MEGF10: variants seen among roughly 807,000 people sequenced by gnomAD.
MEGF10 encodes multiple epidermal growth factor-like domains protein 10.
MEGF10 carries 86 observed loss-of-function variants against 147.5 expected under a neutral mutation model. That is an observed-to-expected ratio of 0.58 (90% confidence interval 0.49 to 0.70). MEGF10 has a LOEUF of 0.70. Ranked by LOEUF, MEGF10 falls within the 30% of genes least tolerant of loss-of-function variation. MEGF10 has a pLI of 0.00. For synonymous variants in MEGF10, 478 were observed against 525.5 expected, an observed-to-expected ratio of 0.91 and a Z score of 1.24; for missense variants, 1,329 against 1,487.3, an observed-to-expected ratio of 0.89 and a Z score of 1.75.
chr5:127,318,087 A>C (rs1162892768), intron 1 of MEGF10, among the ~76,000 whole-genome samples: 1 of 152,166 alleles, frequency 6.6e-6, no homozygotes, highest in African/African-American at 2.4e-5. Flanking sequence ...ATCAGTAAAT[A>C]TGATTAGTGC....
At chr5:127,237,991 T>G in the MEGF10 span, among the ~76,000 whole-genome samples, 1 of 151,220 alleles carries the variant, frequency 6.6e-6, no homozygotes, top group Non-Finnish European at 1.5e-5. Flanking sequence ...TGTTGACATT[T>G]TACCATATTA....
chr5:127,245,969 G>C, the MEGF10 span, among the ~76,000 whole-genome samples: 1 of 152,226 alleles, frequency 6.6e-6, no homozygotes, highest in African/African-American at 2.4e-5. Flanking sequence ...ATGCTGGAGA[G>C]GATGTGGAGT....
intron 1 of MEGF10, among the ~76,000 whole-genome samples, chr5:127,310,013 T>TTCCTTC (rs1561562131): frequency 2.7e-5 from 1 of 37,138 alleles, no homozygotes. Context: ...TTCCTTCCTT[T>TTCCTTC]CTTTTTTTCT....
Position 127,445,539 on chromosome 5 carries a change from C to T in MEGF10, c.2574C>T (p.Ala858=), listed in dbSNP as rs1765911422. The T allele has an allele frequency of 6.2e-7, 1 of 1,614,066 alleles. No homozygotes were observed. Among genetic ancestry groups the T allele is most frequent in the Non-Finnish European group, 8.5e-7 (1 of 1,180,000 alleles). ...CTGCTGATTCCTACCAGATCGGGGC[C>T]ATTGCAGGCATCATCATTCTTGTCC... The part of the protein sequence containing the change: ...ALPADSYQIG[A]IAGIIILVLV... Residue 858 remains alanine, a synonymous_variant, in exon 20 of 25, where the codon GCC becomes GCT. Transcript: ENST00000503335.
In MEGF10 at chr5:127,397,708, T is replaced by C. The variant is rs114461925; in HGVS notation, c.659+930T>C. 5.4e-3 allele frequency among the ~76,000 whole-genome samples: 829 copies of C among 152,314 alleles called. 6 individuals carry two copies. Among genetic ancestry groups the C allele is most frequent in the African/African-American group, 0.019 (799 of 41,566 alleles). The stretch of plus-strand genomic sequence containing the variant: ...ATGATTATCTCAAACTGTTTAATTG[T>C]TAATATTGCTTTTATGGGTTTTCAT... On this transcript the variant is annotated intron_variant, in intron 6 of 24. Coordinates refer to ENST00000503335, the MANE Select transcript of MEGF10 (RefSeq NM_001256545.2).
intron 1 of MEGF10, among the ~76,000 whole-genome samples, chr5:127,313,348 C>T (rs781670293): frequency 1.3e-5 from 2 of 152,054 alleles, no homozygotes; most frequent in Non-Finnish European, 2.9e-5. Context: ...TTTCAGGGTA[C>T]CTCCAAGAGA....
the MEGF10 span, among the ~76,000 whole-genome samples, chr5:127,271,109 C>T: frequency 3.3e-5 from 5 of 152,178 alleles, no homozygotes; most frequent in Non-Finnish European, 5.9e-5. Flanking sequence ...AATGGTATTT[C>T]TGCCTGTAGG....
At chr5:127,293,478 C>T (rs12519784) in intron 1 of MEGF10, among the ~76,000 whole-genome samples, 68,854 of 151,978 alleles carry the variant, frequency 0.45, 15,824 homozygotes, top group Middle Eastern at 0.58. Context: ...TCAAACTATA[C>T]AAACCCTAAT....
the MEGF10 span, among the ~76,000 whole-genome samples, chr5:127,239,376 G>GACACACACAC: frequency 6.6e-4 from 82 of 123,474 alleles, no homozygotes; most frequent in African/African-American, 2.4e-3. Flanking sequence ...GATGATGGAA[G>GACACACACAC]ACACACACAC....
At chr5:127,361,735 C>T (rs1402525560) in intron 4 of MEGF10, among the ~76,000 whole-genome samples, 1 of 152,016 alleles carries the variant, frequency 6.6e-6, no homozygotes, top group Admixed American at 6.6e-5. Context: ...TTTTCATTTA[C>T]TTTAAAATAC....
At chr5:127,315,936 C>T (rs868341432) in intron 1 of MEGF10, among the ~76,000 whole-genome samples, 2 of 152,086 alleles carry the variant, frequency 1.3e-5, no homozygotes, top group Non-Finnish European at 2.9e-5. Context: ...TGCTGTAGAC[C>T]GTAGCAATCT....
chr5:127,307,118 C>G (rs1760050438), intron 1 of MEGF10, among the ~76,000 whole-genome samples: 1 of 152,140 alleles, frequency 6.6e-6, no homozygotes, highest in African/African-American at 2.4e-5. Context: ...CGCTTCTCCC[C>G]TAGAGTTCTG....
the MEGF10 span, among the ~76,000 whole-genome samples, chr5:127,280,068 C>T: frequency 1.3e-5 from 2 of 151,988 alleles, no homozygotes; most frequent in Non-Finnish European, 2.9e-5. Context: ...AAAATAATAT[C>T]CACTGTTTTC....
chr5:127,449,160 T>A lies in MEGF10; in HGVS notation c.2918T>A (p.Val973Glu). The change falls in exon 22 of 25, where the codon GTG (valine) becomes GAG (glutamate). Residue 973 changes from valine to glutamate, a missense_variant. Coordinates refer to ENST00000503335, the MANE Select transcript of MEGF10 (RefSeq NM_001256545.2). ...GTGAACCCTGGGAAGAGAGGCCCTG[T>A]GGGGGACTGCACTGGGACATTGCCG... is the stretch of plus-strand genomic sequence containing the variant. ...KNVNPGKRGP[V>E]GDCTGTLPAD... 1 of 1,614,128 alleles carries A rather than the reference T, an allele frequency of 6.2e-7. No homozygotes were observed. The highest frequency in any genetic ancestry group is 8.5e-7 in the Non-Finnish European group (1 of 1,179,990).
At chr5:127,280,081 T>C in the MEGF10 span, among the ~76,000 whole-genome samples, 2 of 152,220 alleles carry the variant, frequency 1.3e-5, no homozygotes, top group Non-Finnish European at 1.5e-5. Context: ...CTGTTTTCTT[T>C]CAAAAATACT....
Position 127,331,331 on chromosome 5 carries a change from G to A in MEGF10, c.23G>A (p.Cys8Tyr). 2.2e-5 allele frequency: 35 copies of A among 1,612,206 alleles called. No individual in the cohort carries two copies. Among genetic ancestry groups the A allele is most frequent in the Non-Finnish European group, 2.9e-5 (34 of 1,178,540 alleles). ...AAAATGGTTATTTCTTTGAACTCAT[G>A]CCTGAGCTTTATTTGTTTATTGTTA... MVISLNS[C>Y]LSFICLLLCH... is the part of the protein sequence containing the mutation. The change falls in exon 2 of 25, where the codon TGC becomes TAC. Residue 8 changes from cysteine (C) to tyrosine (Y), a missense_variant. Physicochemically the swap from Cys to Tyr is radical, Grantham distance 194. Transcript: ENST00000503335.
chr5:127,358,620 C>T lies in MEGF10; in HGVS notation c.320-11290C>T, dbSNP rs184122524. On this transcript the variant is annotated intron_variant, in intron 4 of 24. Coordinates refer to ENST00000503335, the MANE Select transcript of MEGF10 (RefSeq NM_001256545.2). ...GTCATGCTTTCCTTATAGACACAGA[C>T]ATGGCAGGACCAGCTGGTAAATAAT... 3.5e-3 allele frequency among the ~76,000 whole-genome samples: 535 copies of T among 152,316 alleles called. 4 individuals carry two copies. Among genetic ancestry groups the T allele is most frequent in the Non-Finnish European group, 4.6e-3 (311 of 68,014 alleles).
chr5:127,360,560 A>G (rs749331202), intron 4 of MEGF10, among the ~76,000 whole-genome samples: 6 of 151,906 alleles, frequency 3.9e-5, no homozygotes, highest in Non-Finnish European at 8.8e-5. Flanking sequence ...TCTGTTGTTA[A>G]TCTTAGAGGA....
chr5:127,451,364 C>T (rs562584877), intron 22 of MEGF10, among the ~76,000 whole-genome samples: 13 of 152,228 alleles, frequency 8.5e-5, no homozygotes, highest in African/African-American at 2.4e-4. Flanking sequence ...ATAGTGTAGT[C>T]GTTATCACGC....
Sources: gnomAD v4.1 joint callset for allele counts (sites outside exome capture counted in the v4.1 genomes callset) on GRCh38, gnomAD v4.1.1 for gene constraint, MANE v1.5 for transcripts, NCBI Gene and HGNC (gene_info 2026-07-23, HGNC 2026-07-21) for gene names.